Variants in SLC30A8 observed in about 807,000 individuals in gnomAD.
SLC30A8 encodes proton-coupled zinc antiporter SLC30A8.
SLC30A8 carries 27 observed loss-of-function variants against 36.9 expected under a neutral mutation model. The observed-to-expected ratio is 0.73, with a 90% CI of 0.54 to 1.01. The LOEUF is 1.01. Among genes scored for constraint, SLC30A8 ranks in the 50% least tolerant of loss-of-function variants. The pLI is 0.00. For synonymous variants in SLC30A8, 164 were observed against 172.4 expected (o/e 0.95, Z 0.38); for missense variants, 439 against 452.0 (o/e 0.97, Z 0.26).
At chr8:116,990,633 T>C (rs1385014209) in intron 1 of SLC30A8, among the ~76,000 whole-genome samples, 1 of 152,066 alleles carries the variant, frequency 6.6e-6, no homozygotes, top group Non-Finnish European at 1.5e-5. Context: ...CTATATGCAA[T>C]GTGGTGTCTC....
chr8:117,074,109 C>T (rs1157287720), intron 2 of SLC30A8, among the ~76,000 whole-genome samples: 2 of 152,038 alleles, frequency 1.3e-5, no homozygotes, highest in Non-Finnish European at 2.9e-5. Context: ...CAGATGCCAA[C>T]TGTGAGAAGA....
chr8:116,975,196 G>C (rs941280537), intron 1 of SLC30A8, among the ~76,000 whole-genome samples: 136 of 152,026 alleles, frequency 8.9e-4, no homozygotes, highest in African/African-American at 3.2e-3. Flanking sequence ...AATAAAAAAA[G>C]ATAAGCTCTT....
chr8:117,143,017 A>C (rs1586580437), intron 1 of SLC30A8, among the ~76,000 whole-genome samples: 1 of 152,158 alleles, frequency 6.6e-6, no homozygotes, highest in Non-Finnish European at 1.5e-5. Flanking sequence ...AGGAATAGTG[A>C]TTTGAGGTTC....
At chr8:117,170,668 C>T (rs921960942) in intron 6 of SLC30A8, among the ~76,000 whole-genome samples, 6 of 152,154 alleles carry the variant, frequency 3.9e-5, no homozygotes, top group African/African-American at 1.4e-4. Context: ...CAATAGTTGT[C>T]GTCAGGATGC....
At chr8:117,150,120 A>T (rs1563628059) in intron 2 of SLC30A8, among the ~76,000 whole-genome samples, 1 of 152,234 alleles carries the variant, frequency 6.6e-6, no homozygotes, top group Non-Finnish European at 1.5e-5. Flanking sequence ...GAATGAAATG[A>T]TGTTATTTGA....
intron 6 of SLC30A8, 79 bp from the exon 7 acceptor site, chr8:117,170,955 A>G (rs1365377238): frequency 3.1e-6 from 4 of 1,291,524 alleles, no homozygotes; most frequent in East Asian, 5.0e-5. Flanking sequence ...TTTGGTGAGG[A>G]CTTTGCAGCT....
Position 117,083,322 on chromosome 8 carries a change from C to G in SLC30A8, c.-226+44064C>G, listed in dbSNP as rs77472512. On this transcript the variant is annotated intron_variant, in intron 2 of 10. Coordinates refer to the SLC30A8 transcript ENST00000427715. The stretch of plus-strand genomic sequence containing the variant: ...GCTGACAGCTCTCAGCTGAGTTGCT[C>G]TCCTGGAATTATCCTCAGTAGAGGA... 7.2e-4 allele frequency among the ~76,000 whole-genome samples: 109 copies of G among 152,284 alleles called. No individual in the cohort carries two copies. In the East Asian group the frequency reaches 0.02, roughly 28 times the overall value.
chr8:117,075,883 C>T (rs908752841), intron 2 of SLC30A8, among the ~76,000 whole-genome samples: 5 of 152,132 alleles, frequency 3.3e-5, no homozygotes, highest in African/African-American at 1.2e-4. Context: ...TCCCTGTACC[C>T]TCTGTCTCAG....
chr8:116,989,275 A>C (rs1206953807), intron 1 of SLC30A8, among the ~76,000 whole-genome samples: 3 of 152,180 alleles, frequency 2.0e-5, no homozygotes, highest in Non-Finnish European at 4.4e-5. Flanking sequence ...GCAAACTAAG[A>C]AGTGATGTTA....
intron 2 of SLC30A8, among the ~76,000 whole-genome samples, chr8:117,099,334 A>C (rs1366093152): frequency 2.0e-5 from 3 of 152,160 alleles, no homozygotes; most frequent in Non-Finnish European, 4.4e-5. Context: ...CGTCTCAGCT[A>C]CAATGTCACC....
At position 117,124,173 on chromosome 8, in the gene SLC30A8, T is replaced by G. The variant is rs1820803102; in HGVS notation, c.-225-11107T>G. Among the ~76,000 whole-genome samples, 3 of 152,134 alleles carry G rather than the reference T, an allele frequency of 2.0e-5. No individual in the cohort carries two copies. In the South Asian group the frequency reaches 6.2e-4, roughly 31 times the overall value. Reference sequence around the variant, plus strand: ...CAGATTATTGTGAAAGGATAGAACCTGTTTTATGAGCTCATTCCTGTGATT... The same window carrying G: ...CAGATTATTGTGAAAGGATAGAACCGGTTTTATGAGCTCATTCCTGTGATT... On this transcript the variant is annotated intron_variant, in intron 2 of 10. Transcript: ENST00000427715.
chr8:117,109,464 T>C (rs917457034), intron 2 of SLC30A8, among the ~76,000 whole-genome samples: 2 of 152,100 alleles, frequency 1.3e-5, no homozygotes, highest in African/African-American at 2.4e-5. Flanking sequence ...GAGAAAATCT[T>C]CCCGGACATC....
At chr8:117,079,500 G>A (rs1053027092) in intron 2 of SLC30A8, among the ~76,000 whole-genome samples, 3 of 152,076 alleles carry the variant, frequency 2.0e-5, no homozygotes, top group African/African-American at 7.2e-5. Context: ...ATTATTTTAA[G>A]CTTCATTGTA....
chr8:117,001,252 G>A (rs1426033640), intron 1 of SLC30A8, among the ~76,000 whole-genome samples: 3 of 138,560 alleles, frequency 2.2e-5, no homozygotes, highest in African/African-American at 8.0e-5. Flanking sequence ...CTCATTGGGT[G>A]AATAAGAAAG....
At chr8:117,042,260 A>G (rs1050259009) in intron 2 of SLC30A8, among the ~76,000 whole-genome samples, 1 of 152,228 alleles carries the variant, frequency 6.6e-6, no homozygotes, top group Non-Finnish European at 1.5e-5. Flanking sequence ...AAATGTGTTA[A>G]CCATATCAGT....
At chr8:117,122,678 C>G (rs895221218) in intron 2 of SLC30A8, among the ~76,000 whole-genome samples, 2 of 151,902 alleles carry the variant, frequency 1.3e-5, no homozygotes, top group African/African-American at 2.4e-5. Flanking sequence ...TAGTGGAACC[C>G]AGTTATAGGC....
chr8:117,122,421 A>C (rs917093043), intron 2 of SLC30A8, among the ~76,000 whole-genome samples: 7 of 152,018 alleles, frequency 4.6e-5, no homozygotes, highest in African/African-American at 1.7e-4. Context: ...AAACTGATTA[A>C]ATCACTTTCC....
intron 2 of SLC30A8, among the ~76,000 whole-genome samples, chr8:117,098,971 T>C (rs1040260155): frequency 6.6e-6 from 1 of 151,792 alleles, no homozygotes; most frequent in African/African-American, 2.4e-5. Context: ...TACACAGAGG[T>C]TTAGTGGAAA....
intron 2 of SLC30A8, among the ~76,000 whole-genome samples, chr8:117,046,120 G>A (rs1817542258): frequency 6.6e-6 from 1 of 152,100 alleles, no homozygotes; most frequent in African/African-American, 2.4e-5. Context: ...AGAGGGAGAG[G>A]TTGTGAAGGT....
Sources: gnomAD v4.1 joint callset for allele counts (sites outside exome capture counted in the v4.1 genomes callset) on GRCh38, gnomAD v4.1.1 for gene constraint, MANE v1.5 for transcripts, NCBI Gene and HGNC (gene_info 2026-07-23, HGNC 2026-07-21) for gene names.